SLC23A3: variants seen among roughly 807,000 people sequenced by gnomAD.
SLC23A3 encodes solute carrier family 23 member 3.
In SLC23A3, 41 loss-of-function variants were observed where a neutral mutation model predicts 64.7. The observed-to-expected ratio is 0.63, with a 90% CI of 0.49 to 0.82. SLC23A3 has a LOEUF of 0.82. Among genes scored for constraint, SLC23A3 ranks in the 40% least tolerant of loss-of-function variants. The pLI is 0.00. For synonymous variants in SLC23A3, 281 were observed against 306.8 expected, an observed-to-expected ratio of 0.92 and a Z score of 0.88; for missense variants, 647 against 733.4, an observed-to-expected ratio of 0.88 and a Z score of 1.36.
intron 9 of SLC23A3, 116 bp from the exon 10 acceptor site, chr2:219,163,671 AT>A (rs1194558736): frequency 9.0e-7 from 1 of 1,112,110 alleles, no homozygotes; most frequent in Non-Finnish European, 1.3e-6. Flanking sequence ...CAAGAGAATG[AT>A]TTTTGTTTTT....
intron 8 of SLC23A3, 169 bp from the exon 9 acceptor site, chr2:219,164,507 G>T: frequency 1.8e-6 from 1 of 556,138 alleles, no homozygotes; most frequent in East Asian, 3.1e-5. Flanking sequence ...CCACTACCCT[G>T]ATTTTTTTAT....
At chr2:219,165,765 G>A (rs148795264) in intron 7 of SLC23A3, among the ~76,000 whole-genome samples, 182 of 152,326 alleles carry the variant, frequency 1.2e-3, no homozygotes, top group Non-Finnish European at 2.0e-3. Context: ...ACTAGAATGC[G>A]CTTCCCTCCT....
In SLC23A3 at chr2:219,168,747, C is replaced by A; in HGVS notation, c.579G>T (p.Gly193=). The part of the protein sequence containing the change: ...GSPGHVFPHC[G]PLVLAPSLVV... The stretch of plus-strand genomic sequence containing the variant: ...CCAGGCTGGGAGCCAGCACCAGGGG[C>A]CCACAGTGGGGGAACACGTGGCCGG... The change falls in exon 5 of 12, where the codon GGG becomes GGT. Residue 193 remains glycine (G), a synonymous_variant. Transcript: ENST00000409878. 6.2e-7 allele frequency: 1 copy of A among 1,613,006 alleles called. No individual in the cohort carries two copies. The highest frequency in any genetic ancestry group is 1.3e-5 in the African/African-American group (1 of 75,036).
rs563413713 is a variant in SLC23A3, at chr2:219,163,872, T to C, written c.1274-317A>G. Among the ~76,000 whole-genome samples the C allele has an allele frequency of 4.6e-5, 7 of 152,018 alleles. No homozygotes were observed. In the South Asian group the frequency reaches 1.5e-3, roughly 32 times the overall value. On this transcript the variant is annotated intron_variant, in intron 9 of 11. Transcript: ENST00000409878. Reference sequence around the variant, plus strand: ...ATGTGCCACCACGCCCAGCTAATTTTTGCACTTTTAGTAGAGACAGGGTTT... The same window carrying C: ...ATGTGCCACCACGCCCAGCTAATTTCTGCACTTTTAGTAGAGACAGGGTTT...
rs1950044165 is a variant in SLC23A3, at chr2:219,169,863, C to T, written c.122G>A (p.Gly41Glu). 1 of 1,613,896 alleles carries T rather than the reference C, an allele frequency of 6.2e-7. No individual in the cohort carries two copies. The highest frequency in any genetic ancestry group is 8.5e-7 in the Non-Finnish European group (1 of 1,179,920). Residue 41 changes from glycine (G) to glutamate (E), a missense_variant, in exon 1 of 12, where the codon GGA becomes GAA. Coordinates refer to ENST00000409878, the MANE Select transcript of SLC23A3 (RefSeq NM_001144889.2). The surrounding 1 kb of genome is among the most constrained non-coding windows in gnomAD (Gnocchi z 4.5). Reference sequence around the variant, plus strand: ...ACAGCTGAGGCCCCAAGGCAGAGATCCACACAAAGGGTCCCAAGAGTGGGT... The same window carrying T: ...ACAGCTGAGGCCCCAAGGCAGAGATTCACACAAAGGGTCCCAAGAGTGGGT... Reference protein sequence around the residue: ...PSTHSWDPLCGSLPWGLSCLL... With the variant: ...PSTHSWDPLCESLPWGLSCLL...
Position 219,165,412 on chromosome 2 carries a change from AT to A in SLC23A3, c.923del (p.Asn308IlefsTer5), listed in dbSNP as rs764928231. ...GAGCTCTGGGCGTCAGCAAAGGCCA[AT>A]TCCACTCACCTGGGGAGGGAGAAGA... ...WIWLPHPGEW[N>X]WPLLTPRALA... On this transcript the variant is annotated frameshift_variant, in exon 8 of 12. Transcript: ENST00000409878. LOFTEE classifies it high-confidence loss of function. 1.3e-6 allele frequency: 2 copies of A among 1,550,314 alleles called. No homozygotes were observed. Among genetic ancestry groups the A allele is most frequent in the South Asian group, 1.2e-5 (1 of 83,904 alleles).
intron 10 of SLC23A3, 76 bp from the exon 11 acceptor site, chr2:219,162,470 C>G (rs1949958064): frequency 9.5e-7 from 1 of 1,048,142 alleles, no homozygotes; most frequent in Non-Finnish European, 1.5e-6. Context: ...CCTCCCAGAC[C>G]TAAACCTAAG....
chr2:219,165,544 C>G, intron 7 of SLC23A3, 122 bp from the exon 8 acceptor site: 1 of 1,194,630 alleles, frequency 8.4e-7, no homozygotes, highest in South Asian at 1.5e-5. Flanking sequence ...TGTCTTGGGA[C>G]AAAACTACTG....
At position 219,163,485 on chromosome 2, in the gene SLC23A3, T is replaced by C; in HGVS notation, c.1344A>G (p.Ile448Met). 6.2e-7 allele frequency: 1 copy of C among 1,614,114 alleles called. No homozygotes were observed. The change falls in exon 10 of 12, where the codon ATA becomes ATG. Residue 448 changes from isoleucine to methionine, a missense_variant. Physicochemically the swap from Ile to Met is conservative, Grantham distance 10 (BLOSUM62 1). Transcript: ENST00000409878. ...CAATGAAGATATTTCGCCCAGAGTC[T>C]ATGTCAGCCAGGTAGAAGCTGGAGA... is the stretch of plus-strand genomic sequence containing the variant. ...AGFSSFYLAD[I>M]DSGRNIFIVG...
At chr2:219,165,601 C>T (rs1033501991) in intron 7 of SLC23A3, among the ~76,000 whole-genome samples, 179 bp from the exon 8 acceptor site, 5 of 152,368 alleles carry the variant, frequency 3.3e-5, no homozygotes, top group African/African-American at 1.2e-4. Context: ...CTACAAGGTC[C>T]TCTTTGGTCT....
intron 7 of SLC23A3, among the ~76,000 whole-genome samples, chr2:219,166,622 A>G (rs1950008095): frequency 6.6e-6 from 1 of 151,870 alleles, no homozygotes; most frequent in Non-Finnish European, 1.5e-5. Flanking sequence ...GCAGCCTCCA[A>G]CTCCTGGGCT....
intron 7 of SLC23A3, 26 bp downstream of exon 7, chr2:219,167,904 G>T (rs768582373): frequency 6.7e-6 from 10 of 1,493,876 alleles, no homozygotes; most frequent in Non-Finnish European, 7.3e-6. Context: ...TTGAACAAGA[G>T]AATGGAGGAC....
intron 10 of SLC23A3, 65 bp from the exon 11 acceptor site, chr2:219,162,459 C>A: frequency 1.8e-6 from 2 of 1,140,478 alleles, no homozygotes; most frequent in Non-Finnish European, 2.6e-6. Context: ...AGGAGTCTTA[C>A]CCTCCCAGAC....
chr2:219,164,765 G>C (rs973389397), intron 8 of SLC23A3: 2 of 247,814 alleles, frequency 8.1e-6, no homozygotes, highest in African/African-American at 4.6e-5. Context: ...TCACCATGTT[G>C]GCCAGGCTGG....
In SLC23A3 at chr2:219,169,940, G is replaced by C. The variant is rs769341691; in HGVS notation, c.45C>G (p.Gly15=). ...GCAAGGGGGCCAGGGCATCCTGGGA[G>C]CCCACTGATCGGAGTTGGCTGGGAT... The part of the protein sequence containing the change: ...PLNPSQLRSV[G]SQDALAPLPP... The change falls in exon 1 of 12, where the codon GGC becomes GGG. Residue 15 remains glycine (G), a synonymous_variant. Coordinates refer to ENST00000409878, the MANE Select transcript of SLC23A3 (RefSeq NM_001144889.2). This position sits in a 1 kb window ranked among gnomAD's most constrained non-coding sequence, Gnocchi z 4.5. 1.9e-6 allele frequency: 3 copies of C among 1,614,044 alleles called. No individual in the cohort carries two copies. The highest frequency in any genetic ancestry group is 2.5e-6 in the Non-Finnish European group (3 of 1,179,956).
chr2:219,166,826 G>A (rs1309535084), intron 7 of SLC23A3, among the ~76,000 whole-genome samples: 2 of 152,188 alleles, frequency 1.3e-5, no homozygotes, highest in Non-Finnish European at 2.9e-5. Context: ...GAGCCACTGT[G>A]CCTGGCCTCC....
Position 219,169,876 on chromosome 2 carries a change from C to T in SLC23A3, c.109G>A (p.Asp37Asn). The change falls in exon 1 of 12, where the codon GAC becomes AAC. Residue 37 changes from aspartate (D) to asparagine (N), a missense_variant. By Grantham distance (23) the Asp-to-Asn change is conservative. Transcript: ENST00000409878. This position sits in a 1 kb window ranked among gnomAD's most constrained non-coding sequence, Gnocchi z 4.5. ...APQNPSTHSW[D>N]PLCGSLPWGL... ...CAAGGCAGAGATCCACACAAAGGGT[C>T]CCAAGAGTGGGTGGAGGGATTCTGG... The T allele has an allele frequency of 6.2e-7, 1 of 1,613,724 alleles. No individual in the cohort carries two copies. Among genetic ancestry groups the T allele is most frequent in the Non-Finnish European group, 8.5e-7 (1 of 1,179,864 alleles).
chr2:219,169,018 C>T lies in SLC23A3; in HGVS notation c.492+11G>A. On this transcript the variant is annotated intron_variant, in intron 4 of 11. Coordinates refer to ENST00000409878, the MANE Select transcript of SLC23A3 (RefSeq NM_001144889.2). This position sits in a 1 kb window ranked among gnomAD's most constrained non-coding sequence, Gnocchi z 4.5. The stretch of plus-strand genomic sequence containing the variant: ...CACCACCCTTATCCCTTCTCACCTC[C>T]AGATACCCACCTCCTGGAGAGAAGT... 2 of 1,613,004 alleles carry T rather than the reference C, an allele frequency of 1.2e-6. No individual in the cohort carries two copies. The highest frequency in any genetic ancestry group is 2.2e-5 in the East Asian group (1 of 44,882).
chr2:219,168,540 T>G lies in SLC23A3; in HGVS notation c.674+112A>C. The G allele has an allele frequency of 6.8e-6, 8 of 1,172,844 alleles. No homozygotes were observed. In the South Asian group the frequency reaches 1.3e-4, roughly 19 times the overall value. 72.7% of individuals were successfully genotyped at this position (1,172,844 alleles called of 1,614,324 possible). ...AGTCTTGGATTCCAAATATAAAATA[T>G]GTCCCTATTCCAGTCGCTGCTGAAT... On this transcript the variant is annotated intron_variant, in intron 5 of 11. Coordinates refer to ENST00000409878, the MANE Select transcript of SLC23A3 (RefSeq NM_001144889.2).
Sources: allele counts gnomAD v4.1 joint callset (sites outside exome capture counted in the v4.1 genomes callset), GRCh38; gene constraint gnomAD v4.1.1; non-coding constraint Gnocchi (gnomAD v3.1); transcripts MANE v1.5; gene names NCBI Gene and HGNC (gene_info 2026-07-23, HGNC 2026-07-21).